ROCK1: variants seen among roughly 807,000 people sequenced by gnomAD.
The protein encoded by ROCK1 is rho-associated protein kinase 1.
In ROCK1, 36 loss-of-function variants were observed where a neutral mutation model predicts 196.8. The observed-to-expected ratio is 0.18, with a 90% CI of 0.14 to 0.24. The LOEUF (loss-of-function observed/expected upper bound fraction) is 0.24. Ranked by LOEUF, ROCK1 falls within the 10% of genes least tolerant of loss-of-function variation. The probability of loss-of-function intolerance (pLI) is 1.00; values close to 1 mark genes in which losing one functional copy is unlikely to be tolerated. For missense variants in ROCK1, 920 were observed against 1,562.0 expected (o/e 0.59, Z 6.93); for synonymous variants, 443 against 515.9 (o/e 0.86, Z 1.91).
At chr18:21,069,637 C>T (rs1446948784) in intron 2 of ROCK1, among the ~76,000 whole-genome samples, 2 of 152,064 alleles carry the variant, frequency 1.3e-5, no homozygotes, top group Non-Finnish European at 2.9e-5. Flanking sequence ...CTTATCTACA[C>T]CATCTCTATA....
chr18:20,949,874 T>C lies in ROCK1; in HGVS notation c.*1510A>G, dbSNP rs967804865. The C allele has an allele frequency of 1.4e-4, 22 of 152,702 alleles. No individual in the cohort carries two copies. Among genetic ancestry groups the C allele is most frequent in the African/African-American group, 5.1e-4 (21 of 41,476 alleles). 9.5% of individuals were successfully genotyped at this position (152,702 alleles called of 1,614,324 possible). On this transcript the variant is annotated 3_prime_UTR_variant, in exon 33 of 33. Transcript: ENST00000399799. ...AACACATTGCAGTAAAAATTAAAGA[T>C]ACCCATCCATAAATTACTTTTATTT...
At chr18:21,044,566 G>A (rs2036138881) in intron 5 of ROCK1, among the ~76,000 whole-genome samples, 1 of 152,120 alleles carries the variant, frequency 6.6e-6, no homozygotes, top group Non-Finnish European at 1.5e-5. Context: ...TCCCTGACAT[G>A]TAGGCACAGC....
intron 24 of ROCK1, 24 bp downstream of exon 24, chr18:20,969,091 T>TTC: frequency 7.0e-7 from 1 of 1,429,244 alleles, no homozygotes; most frequent in Non-Finnish European, 9.8e-7. Flanking sequence ...TTTAACATGA[T>TTC]GATTTTTTAA....
intron 2 of ROCK1, among the ~76,000 whole-genome samples, chr18:21,062,182 C>G (rs1463153193): frequency 6.6e-6 from 1 of 152,010 alleles, no homozygotes; most frequent in African/African-American, 2.4e-5. Flanking sequence ...TAAAAGGAAC[C>G]AGAGCTCCTT....
At chr18:21,028,369 T>C (rs1007265634) in intron 10 of ROCK1, among the ~76,000 whole-genome samples, 3 of 151,830 alleles carry the variant, frequency 2.0e-5, no homozygotes, top group Non-Finnish European at 2.9e-5. Flanking sequence ...TGAGCAAAGA[T>C]TGTGCCACTG....
At chr18:21,084,605 A>T (rs1051784542) in intron 1 of ROCK1, among the ~76,000 whole-genome samples, 1 of 152,238 alleles carries the variant, frequency 6.6e-6, no homozygotes, top group Non-Finnish European at 1.5e-5. Flanking sequence ...TCAGAAAAGA[A>T]CAAGTGTTAG....
chr18:20,986,964 T>C lies in ROCK1; in HGVS notation c.2290A>G (p.Arg764Gly). ...ATTTTTCTTACTTCATCCTCCATCC[T>C]TTCTTTATTTCCAGTCAAATGTTCT... Reference protein sequence around the residue: ...KLEHLTGNKERMEDEVKNLTL... With the variant: ...KLEHLTGNKEGMEDEVKNLTL... Residue 764 changes from arginine (R) to glycine (G), a missense_variant, in exon 19 of 33, where the codon AGG becomes GGG. Physicochemically the swap from Arg to Gly is moderately radical, Grantham distance 125. This residue lies in a region of ROCK1 where 520 missense variants were observed against 657.1 expected (regional missense o/e 0.79). Transcript: ENST00000399799. 1 of 1,594,708 alleles carries C rather than the reference T, an allele frequency of 6.3e-7. No homozygotes were observed. The highest frequency in any genetic ancestry group is 8.5e-7 in the Non-Finnish European group (1 of 1,174,524).
At chr18:20,958,091 G>A (rs1165261031) in intron 29 of ROCK1, among the ~76,000 whole-genome samples, 1 of 152,072 alleles carries the variant, frequency 6.6e-6, no homozygotes, top group African/African-American at 2.4e-5. Context: ...AATAAAGAGA[G>A]GAAAGAAATC....
chr18:20,973,118 A>G (rs1046812916), intron 22 of ROCK1, among the ~76,000 whole-genome samples: 1 of 152,214 alleles, frequency 6.6e-6, no homozygotes, highest in Admixed American at 6.5e-5. Context: ...ACCTCAGGGA[A>G]TCCACCCGCC....
chr18:21,111,023 G>A lies in ROCK1; in HGVS notation c.-113C>T, dbSNP rs2036746931. On this transcript the variant is annotated 5_prime_UTR_variant, in exon 1 of 33. Transcript: ENST00000399799. This position sits in a 1 kb window ranked among gnomAD's most constrained non-coding sequence, Gnocchi z 4.2. Reference sequence around the variant, plus strand: ...GCGGGGCGGAGGAGCCGGAACCTCAGGGTCACCAGGTGCGCCCGGTTCCCC... The same window carrying A: ...GCGGGGCGGAGGAGCCGGAACCTCAAGGTCACCAGGTGCGCCCGGTTCCCC... The A allele has an allele frequency of 1.2e-6, 1 of 804,022 alleles. No individual in the cohort carries two copies. The highest frequency in any genetic ancestry group is 2.1e-6 in the Non-Finnish European group (1 of 482,324). 49.8% of individuals were successfully genotyped at this position (804,022 alleles called of 1,614,324 possible). A position where few individuals can be genotyped will look rare whatever the true frequency, so the allele number is the denominator to read the frequency against.
chr18:20,981,723 C>CA (rs569656858), intron 21 of ROCK1, among the ~76,000 whole-genome samples: 5 of 151,720 alleles, frequency 3.3e-5, no homozygotes, highest in Non-Finnish European at 5.9e-5. Context: ...CTTTCCTAGG[C>CA]AAAAAAATAC....
intron 27 of ROCK1, among the ~76,000 whole-genome samples, chr18:20,961,818 C>CT (rs11334095): frequency 0.1 from 11,935 of 117,232 alleles, 817 homozygotes; most frequent in Non-Finnish European, 0.15. Flanking sequence ...TTTCTTTTTC[C>CT]TTTTTTTTTT....
intron 19 of ROCK1, among the ~76,000 whole-genome samples, chr18:20,986,016 ACCTAG>A (rs908392570): frequency 6.6e-6 from 1 of 151,680 alleles, no homozygotes; most frequent in African/African-American, 2.4e-5. Flanking sequence ...GCGACACCAC[ACCTAG>A]CTGATTTTTG....
At position 21,059,466 on chromosome 18, in the gene ROCK1, G is replaced by A. The variant is rs1388473286; in HGVS notation, c.176-9586C>T. ...TATGTCCCCACAATCCTTAAGGATAGAGATTATACTTGTGCTCGATGCTAC... is the reference window on the plus strand; with the variant it reads ...TATGTCCCCACAATCCTTAAGGATAAAGATTATACTTGTGCTCGATGCTAC... On this transcript the variant is annotated intron_variant, in intron 2 of 32. Coordinates refer to ENST00000399799, the MANE Select transcript of ROCK1 (RefSeq NM_005406.3). Among the ~76,000 whole-genome samples, 5 of 152,300 alleles carry A rather than the reference G, an allele frequency of 3.3e-5. No homozygotes were observed. The South Asian group carries it at 1.0e-3, about 32-fold the overall frequency.
chr18:21,111,545 G>A lies in ROCK1; in HGVS notation c.-635C>T, dbSNP rs1470398960. The A allele has an allele frequency of 5.8e-6, 1 of 171,682 alleles. No homozygotes were observed. Among genetic ancestry groups the A allele is most frequent in the Non-Finnish European group, 1.2e-5 (1 of 81,706 alleles). 10.6% of individuals were successfully genotyped at this position (171,682 alleles called of 1,614,324 possible). Reference sequence around the variant, plus strand: ...CTCCCATTTTGTCCCGTCGCTGCTGGGGCTGCTGCTACGGTGTCCGGTGGG... The same window carrying A: ...CTCCCATTTTGTCCCGTCGCTGCTGAGGCTGCTGCTACGGTGTCCGGTGGG... On this transcript the variant is annotated 5_prime_UTR_variant, in exon 1 of 33. Coordinates refer to ENST00000399799, the MANE Select transcript of ROCK1 (RefSeq NM_005406.3). The surrounding 1 kb of genome is among the most constrained non-coding windows in gnomAD (Gnocchi z 4.2).
At chr18:21,108,523 T>C (rs1454100385) in intron 1 of ROCK1, among the ~76,000 whole-genome samples, 1 of 152,208 alleles carries the variant, frequency 6.6e-6, no homozygotes, top group Non-Finnish European at 1.5e-5. Flanking sequence ...ATTGAATTTA[T>C]CTGTAGGCCT....
At chr18:21,008,434 C>T (rs796986023) in intron 13 of ROCK1, among the ~76,000 whole-genome samples, 9 of 152,278 alleles carry the variant, frequency 5.9e-5, no homozygotes, top group African/African-American at 2.2e-4. Flanking sequence ...CCACTGCGTC[C>T]AGCTAATTTT....
chr18:21,067,177 C>T (rs1168574003), intron 2 of ROCK1, among the ~76,000 whole-genome samples: 2 of 152,098 alleles, frequency 1.3e-5, no homozygotes, highest in Non-Finnish European at 2.9e-5. Flanking sequence ...TGACTAACCA[C>T]CATGAACAGT....
chr18:21,063,170 G>T (rs997968082), intron 2 of ROCK1, among the ~76,000 whole-genome samples: 2 of 152,042 alleles, frequency 1.3e-5, no homozygotes, highest in Non-Finnish European at 2.9e-5. Flanking sequence ...CCATTCATGG[G>T]GGTGGAACCC....
Sources: gnomAD v4.1 joint callset for allele counts (sites outside exome capture counted in the v4.1 genomes callset) on GRCh38, gnomAD v4.1.1 for gene constraint, gnomAD v4.1.1 regional missense constraint, Gnocchi (gnomAD v3.1) non-coding constraint, MANE v1.5 for transcripts, NCBI Gene and HGNC (gene_info 2026-07-23, HGNC 2026-07-21) for gene names.